CHL1: variants seen among roughly 807,000 people sequenced by gnomAD.
The protein encoded by CHL1 is neural cell adhesion molecule L1-like protein.
A neutral mutation model predicts 141.9 loss-of-function variants in CHL1; 96 were observed. That is an observed-to-expected ratio of 0.68 (90% confidence interval 0.57 to 0.80). The LOEUF is 0.80. Among genes scored for constraint, CHL1 ranks in the 30% least tolerant of loss-of-function variants. CHL1 has a pLI of 0.00. For missense variants in CHL1, 1,820 were observed against 1,457.2 expected, an observed-to-expected ratio of 1.25 and a Z score of -4.05; for synonymous variants, 613 against 502.2, an observed-to-expected ratio of 1.22 and a Z score of -2.95.
chr3:225,529 AAC>A (rs978893973), intron 1 of CHL1, among the ~76,000 whole-genome samples: 2 of 152,230 alleles, frequency 1.3e-5, no homozygotes, highest in African/African-American at 4.8e-5. Context: ...TAATTGTTAA[AAC>A]ACATCTTTAT....
intron 10 of CHL1, among the ~76,000 whole-genome samples, chr3:350,646 A>G (rs1035775795): frequency 3.9e-5 from 6 of 151,976 alleles, no homozygotes; most frequent in African/African-American, 1.2e-4. Flanking sequence ...TCTCCTCCCA[A>G]GTAAATGTTA....
At chr3:258,066 G>C (rs1042658250) in intron 2 of CHL1, among the ~76,000 whole-genome samples, 5 of 152,150 alleles carry the variant, frequency 3.3e-5, no homozygotes, top group African/African-American at 1.2e-4. Context: ...GCTGAAAGAG[G>C]ACAGTCTCCA....
intron 1 of CHL1, among the ~76,000 whole-genome samples, chr3:239,937 T>C (rs1164214442): frequency 3.3e-5 from 5 of 152,206 alleles, no homozygotes; most frequent in African/African-American, 1.2e-4. Flanking sequence ...CCTCCTTTCA[T>C]GGCTGAGTAG....
intron 1 of CHL1, among the ~76,000 whole-genome samples, chr3:202,272 T>A (rs1370847961): frequency 6.6e-6 from 1 of 152,206 alleles, no homozygotes; most frequent in South Asian, 2.1e-4. Context: ...TCCTTCTATA[T>A]CATGTTCAGT....
chr3:225,514 A>G (rs1485476087), intron 1 of CHL1, among the ~76,000 whole-genome samples: 2 of 152,232 alleles, frequency 1.3e-5, no homozygotes, highest in African/African-American at 4.8e-5. Context: ...GTGAGAATTA[A>G]GAATTAATTG....
chr3:383,148 A>T (rs1340687012), intron 18 of CHL1, among the ~76,000 whole-genome samples: 1 of 152,148 alleles, frequency 6.6e-6, no homozygotes, highest in Non-Finnish European at 1.5e-5. Flanking sequence ...ATGATATTTT[A>T]TTTTTCCTTG....
rs559844044 is a variant in CHL1 at position 213,713 on chromosome 3, A to G, written c.-175+16650A>G. On this transcript the variant is annotated intron_variant, in intron 1 of 27. Transcript: ENST00000256509. ...TCCAGCTTGTGCACTGTTAAAAGTC[A>G]TTAGGAAAGAGGTAGAATTTGGAAA... 8.5e-5 allele frequency: 13 copies of G among 152,344 alleles called. No homozygotes were observed. The South Asian group carries it at 2.7e-3, about 32-fold the overall frequency. The allele number at this position is 152,344 out of a possible 1,614,324, so 9.4% of individuals were successfully genotyped here. A position where few individuals can be genotyped will look rare whatever the true frequency, so the allele number is the denominator to read the frequency against.
At chr3:332,669 G>A (rs1408541931) in intron 5 of CHL1, among the ~76,000 whole-genome samples, 1 of 152,154 alleles carries the variant, frequency 6.6e-6, no homozygotes, top group Non-Finnish European at 1.5e-5. Context: ...CCTGAAAATT[G>A]TTCTCAGGAG....
chr3:376,987 TA>T (rs1706405230), intron 15 of CHL1, among the ~76,000 whole-genome samples: 2 of 152,346 alleles, frequency 1.3e-5, no homozygotes, highest in African/African-American at 4.8e-5. Flanking sequence ...GAAATGTACA[TA>T]AAAATATTAA....
At chr3:253,253 G>A (rs943228643) in intron 2 of CHL1, among the ~76,000 whole-genome samples, 12 of 152,152 alleles carry the variant, frequency 7.9e-5, no homozygotes, top group African/African-American at 2.6e-4. Context: ...GATGTATCTC[G>A]TTATGAACCA....
At chr3:306,176 G>A (rs1199576103) in intron 2 of CHL1, among the ~76,000 whole-genome samples, 4 of 152,118 alleles carry the variant, frequency 2.6e-5, no homozygotes, top group Admixed American at 2.6e-4. Context: ...TCTCATACAA[G>A]CACAGGGAAC....
Position 394,683 on chromosome 3 carries a change from A to T in CHL1, c.2915-10A>T, listed in dbSNP as rs1708520848. ...TACATTTGAGCTGTTGTTCATGTTT[A>T]TTTTTTTAGTAAATGACACCTACGA... On this transcript the variant is annotated splice_polypyrimidine_tract_variant and intron_variant, in intron 23 of 27. Coordinates refer to ENST00000256509, the MANE Select transcript of CHL1 (RefSeq NM_006614.4). 2 of 1,590,670 alleles carry T rather than the reference A, an allele frequency of 1.3e-6. No individual in the cohort carries two copies. The highest frequency in any genetic ancestry group is 8.6e-7 in the Non-Finnish European group (1 of 1,165,468).
intron 15 of CHL1, among the ~76,000 whole-genome samples, chr3:375,685 C>T (rs1476983475): frequency 6.6e-6 from 1 of 152,066 alleles, no homozygotes; most frequent in Admixed American, 6.6e-5. Flanking sequence ...TGAGCACATA[C>T]TCTGCCAGGC....
At chr3:234,191 G>GTA (rs72470006) in intron 1 of CHL1, among the ~76,000 whole-genome samples, 59,417 of 143,124 alleles carry the variant, frequency 0.42, 14,217 homozygotes, top group East Asian at 0.58. Flanking sequence ...ATGTGTGTGT[G>GTA]TGTATATATA....
In CHL1 at chr3:362,906, G is replaced by T. The variant is rs73814715; in HGVS notation, c.1419-311G>T. Among the ~76,000 whole-genome samples the T allele has an allele frequency of 9.6e-3, 1,463 of 152,280 alleles. 20 individuals carry two copies. The highest frequency in any genetic ancestry group is 0.033 in the African/African-American group (1,391 of 41,540). ...CCCTGGAGCAATCATTAACTAAAGA[G>T]TTCACCATCAATAAGCCAGAAAATA... On this transcript the variant is annotated intron_variant, in intron 13 of 27. Transcript: ENST00000256509.
rs906745832 is a variant in CHL1 at position 321,694 on chromosome 3, A to G, written c.91+1827A>G. Among the ~76,000 whole-genome samples, 6 of 152,076 alleles carry G rather than the reference A, an allele frequency of 3.9e-5. 1 individual carries two copies. The highest frequency in any genetic ancestry group is 3.3e-4 in the Admixed American group (5 of 15,226). ...TTTATTCTGGTTGTCTCAGTTACTT[A>G]TGCATTTTCATGCTGTAAGGTCCTT... On this transcript the variant is annotated intron_variant, in intron 3 of 27. Coordinates refer to ENST00000256509, the MANE Select transcript of CHL1 (RefSeq NM_006614.4).
intron 12 of CHL1, among the ~76,000 whole-genome samples, chr3:361,407 A>G (rs1032731165): frequency 1.5e-4 from 19 of 129,062 alleles, no homozygotes; most frequent in Admixed American, 9.1e-5. Flanking sequence ...TGCACAGCAA[A>G]GGAAACTACC....
intron 16 of CHL1, among the ~76,000 whole-genome samples, chr3:381,146 G>A (rs1360501663): frequency 2.6e-5 from 4 of 152,124 alleles, no homozygotes; most frequent in Admixed American, 2.0e-4. Context: ...GAATTCTGAT[G>A]TCCCTGGTCA....
intron 2 of CHL1, among the ~76,000 whole-genome samples, chr3:317,085 A>G (rs933178969): frequency 6.6e-6 from 1 of 152,004 alleles, no homozygotes; most frequent in Non-Finnish European, 1.5e-5. Context: ...TTAAACTTCT[A>G]ATAATTTTTA....
Sources: allele counts gnomAD v4.1 joint callset (sites outside exome capture counted in the v4.1 genomes callset), GRCh38; gene constraint gnomAD v4.1.1; transcripts MANE v1.5; gene names NCBI Gene and HGNC (gene_info 2026-07-23, HGNC 2026-07-21).